GABRG3: variants seen among roughly 807,000 people sequenced by gnomAD.
GABRG3 encodes gamma-aminobutyric acid receptor subunit gamma-3.
In GABRG3, 25 loss-of-function variants were observed where a neutral mutation model predicts 48.8. The observed-to-expected ratio is 0.51, with a 90% CI of 0.37 to 0.72. GABRG3 has a LOEUF of 0.72. Among genes scored for constraint, GABRG3 ranks in the 30% least tolerant of loss-of-function variants. The pLI, the probability that GABRG3 is intolerant of heterozygous loss-of-function variation, is 0.00. For synonymous variants in GABRG3, 227 were observed against 217.6 expected (o/e 1.04, Z -0.38); for missense variants, 394 against 577.9 (o/e 0.68, Z 3.26).
intron 3 of GABRG3, among the ~76,000 whole-genome samples, chr15:27,139,811 G>C (rs989451573): frequency 1.3e-5 from 2 of 152,190 alleles, no homozygotes; most frequent in Non-Finnish European, 2.9e-5. Flanking sequence ...CCAGTGACCA[G>C]AAAGATCAAG....
chr15:27,070,920 T>C (rs1311389130), intron 3 of GABRG3, among the ~76,000 whole-genome samples: 1 of 152,202 alleles, frequency 6.6e-6, no homozygotes, highest in Non-Finnish European at 1.5e-5. Context: ...CCAGCTCCGC[T>C]TTGCAGGTGC....
chr15:27,098,930 C>T (rs541641995), intron 3 of GABRG3, among the ~76,000 whole-genome samples: 7 of 152,150 alleles, frequency 4.6e-5, no homozygotes, highest in South Asian at 2.1e-4. Flanking sequence ...AAGAAGAAGG[C>T]GGATTGCCTG....
intron 3 of GABRG3, among the ~76,000 whole-genome samples, chr15:27,102,704 C>T (rs575642847): frequency 2.0e-5 from 3 of 152,106 alleles, no homozygotes; most frequent in Non-Finnish European, 4.4e-5. Flanking sequence ...TACAGTATTT[C>T]CACCATATAA....
chr15:26,971,516 G>T lies in GABRG3; in HGVS notation c.-20G>T, dbSNP rs531863650. The T allele has an allele frequency of 2.6e-6, 4 of 1,510,670 alleles. No individual in the cohort carries two copies. Among genetic ancestry groups the T allele is most frequent in the Non-Finnish European group, 3.5e-6 (4 of 1,129,614 alleles). 93.6% of individuals were successfully genotyped at this position (1,510,670 alleles called of 1,614,324 possible). ...GCCCGGCCGAGGCCCCGGACCCTGCGCCCCGAGCTCCACGGCACCATGGCC... is the reference window on the plus strand; with the variant it reads ...GCCCGGCCGAGGCCCCGGACCCTGCTCCCCGAGCTCCACGGCACCATGGCC... On this transcript the variant is annotated 5_prime_UTR_variant, in exon 1 of 10. Transcript: ENST00000615808.
At chr15:27,482,180 G>A (rs979573576) in intron 6 of GABRG3, among the ~76,000 whole-genome samples, 2 of 152,202 alleles carry the variant, frequency 1.3e-5, no homozygotes, top group African/African-American at 2.4e-5. Context: ...GGCTCTTAAC[G>A]AAATTATAAT....
At chr15:27,053,018 C>T (rs1294418156) in intron 3 of GABRG3, among the ~76,000 whole-genome samples, 10 of 152,070 alleles carry the variant, frequency 6.6e-5, no homozygotes, top group East Asian at 1.9e-4. Context: ...TAACTCAAGG[C>T]GGATTAAAGG....
At chr15:27,014,915 T>A (rs1174653161) in intron 2 of GABRG3, among the ~76,000 whole-genome samples, 1 of 152,196 alleles carries the variant, frequency 6.6e-6, no homozygotes, top group Non-Finnish European at 1.5e-5. Context: ...TCTTCAGCTC[T>A]GCCAATGTTT....
At position 27,458,080 on chromosome 15, in the gene GABRG3, TC is replaced by T. The variant is rs534032921; in HGVS notation, c.575-22564del. 1.4e-4 allele frequency among the ~76,000 whole-genome samples: 22 copies of T among 151,792 alleles called. No individual in the cohort carries two copies. In the East Asian group the frequency reaches 3.1e-3, roughly 22 times the overall value. ...TCCTCTGAGTCCCCACCTGTCTCAG[TC>T]CCCCCTCCCTGTATTGGTCAGCTGT... On this transcript the variant is annotated intron_variant, in intron 5 of 9. Transcript: ENST00000615808.
intron 3 of GABRG3, among the ~76,000 whole-genome samples, chr15:27,219,735 G>T (rs972880139): frequency 1.3e-5 from 2 of 152,252 alleles, no homozygotes; most frequent in African/African-American, 4.8e-5. Flanking sequence ...TGGAGCATCA[G>T]TGGTTACAGA....
intron 3 of GABRG3, among the ~76,000 whole-genome samples, chr15:27,029,504 C>T (rs537775714): frequency 4.7e-4 from 72 of 152,060 alleles, no homozygotes; most frequent in African/African-American, 1.6e-3. Context: ...CACACACGTA[C>T]GTGTGCACAC....
intron 3 of GABRG3, among the ~76,000 whole-genome samples, chr15:27,255,154 G>A (rs1405551899): frequency 1.3e-5 from 2 of 152,212 alleles, no homozygotes; most frequent in Non-Finnish European, 1.5e-5. Flanking sequence ...TTGATGCCAA[G>A]CAGGCAACAA....
intron 2 of GABRG3, among the ~76,000 whole-genome samples, chr15:26,995,779 T>C (rs1170606838): frequency 1.3e-5 from 2 of 152,132 alleles, no homozygotes; most frequent in Non-Finnish European, 2.9e-5. Flanking sequence ...TTCACCCTTT[T>C]TATACTGTCA....
In GABRG3 at chr15:26,975,167, A is replaced by G. The variant is rs963631335; in HGVS notation, c.54-1835A>G. ...GTTGGGATTACAGGCGTGAACAACC[A>G]TGCCCGGCCAGATGACATGAAATAT... On this transcript the variant is annotated intron_variant, in intron 1 of 9. Coordinates refer to ENST00000615808, the MANE Select transcript of GABRG3 (RefSeq NM_033223.5). The surrounding 1 kb of genome is among the most constrained non-coding windows in gnomAD (Gnocchi z 4.6). Among the ~76,000 whole-genome samples, 6 of 152,136 alleles carry G rather than the reference A, an allele frequency of 3.9e-5. No individual in the cohort carries two copies. Among genetic ancestry groups the G allele is most frequent in the Admixed American group, 2.0e-4 (3 of 15,264 alleles).
chr15:27,399,143 T>C (rs1044936632), intron 5 of GABRG3, among the ~76,000 whole-genome samples: 6 of 152,230 alleles, frequency 3.9e-5, no homozygotes, highest in Non-Finnish European at 7.3e-5. Flanking sequence ...CCTCATCAGC[T>C]AAAATATGTT....
intron 3 of GABRG3, among the ~76,000 whole-genome samples, chr15:27,100,841 T>C (rs1202826439): frequency 6.6e-6 from 1 of 152,184 alleles, no homozygotes; most frequent in Non-Finnish European, 1.5e-5. Flanking sequence ...ATACTAAGCA[T>C]CTACAAAATG....
intron 7 of GABRG3, among the ~76,000 whole-genome samples, chr15:27,523,001 T>C (rs979971206): frequency 3.3e-5 from 5 of 151,898 alleles, no homozygotes; most frequent in Non-Finnish European, 5.9e-5. Flanking sequence ...AGCTATTGGA[T>C]ATTACAGAAC....
intron 3 of GABRG3, among the ~76,000 whole-genome samples, chr15:27,086,433 T>C (rs1344748498): frequency 6.6e-6 from 1 of 152,186 alleles, no homozygotes; most frequent in Admixed American, 6.5e-5. Context: ...ACTTTATCTC[T>C]GAAAATGAGC....
At chr15:27,020,307 A>G (rs2140675903) in intron 2 of GABRG3, among the ~76,000 whole-genome samples, 1 of 152,274 alleles carries the variant, frequency 6.6e-6, no homozygotes, top group African/African-American at 2.4e-5. Context: ...ATTCCCTTGC[A>G]TGGACAGCTG....
At chr15:27,293,414 C>T (rs1056248566) in intron 3 of GABRG3, among the ~76,000 whole-genome samples, 1 of 152,092 alleles carries the variant, frequency 6.6e-6, no homozygotes, top group Non-Finnish European at 1.5e-5. Context: ...TGGGGCCAGG[C>T]ATGGTGGCTC....
Sources: gnomAD v4.1 joint callset for allele counts (sites outside exome capture counted in the v4.1 genomes callset) on GRCh38, gnomAD v4.1.1 for gene constraint, Gnocchi (gnomAD v3.1) non-coding constraint, MANE v1.5 for transcripts, NCBI Gene and HGNC (gene_info 2026-07-23, HGNC 2026-07-21) for gene names.